The following PCSK5 variants were observed in gnomAD, a reference collection of about 807,000 sequenced individuals.
The protein encoded by PCSK5 is prohormone convertase 5.
PCSK5 carries 129 observed loss-of-function variants against 233.2 expected under a neutral mutation model. The observed-to-expected ratio is 0.55, with a 90% confidence interval of 0.48 to 0.64. The LOEUF is 0.64. PCSK5 is among the 30% of genes least tolerant of loss of function. The pLI is 0.00. For missense variants in PCSK5, 2,076 were observed against 2,430.1 expected (o/e 0.85, Z 3.06); for synonymous variants, 825 against 879.2 (o/e 0.94, Z 1.09).
At chr9:75,989,649 C>T (rs920074486) in intron 3 of PCSK5, among the ~76,000 whole-genome samples, 5 of 152,108 alleles carry the variant, frequency 3.3e-5, no homozygotes, top group African/African-American at 1.2e-4. Context: ...TCAAGGTGGC[C>T]CAGTCACAAG....
At chr9:76,318,591 T>A (rs1214161570) in intron 30 of PCSK5, among the ~76,000 whole-genome samples, 2 of 152,182 alleles carry the variant, frequency 1.3e-5, no homozygotes, top group Non-Finnish European at 2.9e-5. Flanking sequence ...ATTTCTACAA[T>A]GGGATAGTTT....
In PCSK5 at chr9:76,101,347, G is replaced by A. The variant is rs961267941; in HGVS notation, c.1107+5245G>A. On this transcript the variant is annotated intron_variant, in intron 8 of 37. Transcript: ENST00000674117. The stretch of plus-strand genomic sequence containing the variant: ...GTCGGTAGGTTGGTGAAAGTGAAAC[G>A]TTATTTGACAGGATATTTAGCATAG... 4.6e-5 allele frequency among the ~76,000 whole-genome samples: 7 copies of A among 152,160 alleles called. No homozygotes were observed. In the South Asian group the frequency reaches 1.0e-3, roughly 23 times the overall value.
At chr9:76,260,127 T>G (rs1827120956) in intron 24 of PCSK5, among the ~76,000 whole-genome samples, 1 of 152,230 alleles carries the variant, frequency 6.6e-6, no homozygotes, top group African/African-American at 2.4e-5. Context: ...CTGGCTCAGC[T>G]GTAAGAGGCT....
At chr9:76,190,473 A>C (rs867786101) in intron 20 of PCSK5, among the ~76,000 whole-genome samples, 2 of 152,086 alleles carry the variant, frequency 1.3e-5, no homozygotes, top group Admixed American at 1.3e-4. Context: ...TACCATGCAC[A>C]TAGAGTTTTG....
intron 9 of PCSK5, among the ~76,000 whole-genome samples, chr9:76,115,799 T>G (rs1002488102): frequency 2.0e-5 from 3 of 152,132 alleles, no homozygotes; most frequent in East Asian, 1.9e-4. Context: ...AATTCTCAGA[T>G]TATATTCCTC....
chr9:76,282,119 GCTTT>G (rs1827889928), intron 24 of PCSK5, among the ~76,000 whole-genome samples: 2 of 27,328 alleles, frequency 7.3e-5, no homozygotes, highest in Non-Finnish European at 1.7e-4. Flanking sequence ...TCTTTTCTTT[GCTTT>G]TTTTTTTTTT....
At chr9:76,070,451 T>C (rs779635049) in intron 6 of PCSK5, among the ~76,000 whole-genome samples, 3 of 152,182 alleles carry the variant, frequency 2.0e-5, no homozygotes, top group Non-Finnish European at 2.9e-5. Flanking sequence ...TGGAGGGGAA[T>C]GGAATGTTGG....
chr9:75,970,964 C>T (rs149978930), intron 2 of PCSK5, among the ~76,000 whole-genome samples: 68 of 152,146 alleles, frequency 4.5e-4, no homozygotes, highest in African/African-American at 1.4e-3. Context: ...ACATGCAGGA[C>T]GTGCAGGTTT....
intron 7 of PCSK5, among the ~76,000 whole-genome samples, chr9:76,082,484 G>A (rs116566974): frequency 0.014 from 2,060 of 152,164 alleles, 40 homozygotes; most frequent in South Asian, 0.067. Context: ...TTCACTGAGG[G>A]GTTATAATAT....
chr9:76,319,813 C>T (rs1254607788), intron 30 of PCSK5, among the ~76,000 whole-genome samples: 3 of 152,158 alleles, frequency 2.0e-5, no homozygotes, highest in Non-Finnish European at 4.4e-5. Context: ...CTCCTGGTTC[C>T]TCTTTGAACT....
intron 5 of PCSK5, among the ~76,000 whole-genome samples, chr9:76,064,453 G>T (rs1830190050): frequency 7.1e-6 from 1 of 141,728 alleles, no homozygotes; most frequent in Non-Finnish European, 1.6e-5. Context: ...TGGCCGGGCG[G>T]GGGGGCTGAC....
At chr9:76,207,329 G>A (rs981791898) in intron 20 of PCSK5, among the ~76,000 whole-genome samples, 4 of 152,122 alleles carry the variant, frequency 2.6e-5, no homozygotes, top group African/African-American at 9.7e-5. Context: ...CTAATTCTCT[G>A]AGCCACCATT....
intron 7 of PCSK5, among the ~76,000 whole-genome samples, chr9:76,078,861 A>G (rs1158269797): frequency 1.3e-5 from 2 of 152,174 alleles, no homozygotes; most frequent in African/African-American, 4.8e-5. Flanking sequence ...TCTGTGAAAA[A>G]TGACATTGAT....
At position 76,040,403 on chromosome 9, in the gene PCSK5, C is replaced by CTGTCTCTCTG. The variant is rs1252717136; in HGVS notation, c.632+13367_632+13368insGTCTCTCTGT. On this transcript the variant is annotated intron_variant, in intron 5 of 37. Coordinates refer to ENST00000674117, the MANE Select transcript of PCSK5 (RefSeq NM_001372043.1). Reference sequence around the variant, plus strand: ...TCTCTCTGTCTCTCTCTCTCTCTCTCTCTCTCTCTCAACAGGTCTTTCCTC... The same window carrying CTGTCTCTCTG: ...TCTCTCTGTCTCTCTCTCTCTCTCTCTGTCTCTCTGTCTCTCTCTCAACAGGTCTTTCCTC... Among the ~76,000 whole-genome samples, 17 of 130,950 alleles carry CTGTCTCTCTG rather than the reference C, an allele frequency of 1.3e-4. 1 individual carries two copies. The South Asian group carries it at 1.6e-3, about 12-fold the overall frequency. The allele number at this position is 130,950 out of a possible 152,430, so 85.9% of individuals were successfully genotyped here.
intron 7 of PCSK5, among the ~76,000 whole-genome samples, chr9:76,075,452 C>G (rs1830613309): frequency 6.6e-6 from 1 of 151,898 alleles, no homozygotes; most frequent in Non-Finnish European, 1.5e-5. Flanking sequence ...GGATGTTCCT[C>G]TAAATATCTA....
intron 24 of PCSK5, among the ~76,000 whole-genome samples, chr9:76,261,446 A>T (rs1334756189): frequency 6.6e-6 from 1 of 152,190 alleles, no homozygotes; most frequent in South Asian, 2.1e-4. Context: ...AAATCAATGT[A>T]CAAAAATCAG....
intron 13 of PCSK5, 122 bp downstream of exon 13, chr9:76,169,962 G>A (rs1823261763): frequency 1.3e-6 from 1 of 742,488 alleles, no homozygotes; most frequent in African/African-American, 1.8e-5. Flanking sequence ...TTTCATGTGT[G>A]CTTTGAATTA....
At chr9:76,238,875 T>C in intron 22 of PCSK5, 84 bp from the exon 23 acceptor site, 1 of 1,039,352 alleles carries the variant, frequency 9.6e-7, no homozygotes, top group Non-Finnish European at 1.4e-6. Flanking sequence ...CGCATCTTTT[T>C]AAAATATAAT....
intron 1 of PCSK5, among the ~76,000 whole-genome samples, chr9:75,918,128 T>C (rs1049342877): frequency 3.9e-5 from 6 of 152,240 alleles, no homozygotes; most frequent in African/African-American, 7.2e-5. Flanking sequence ...GATAAAACTC[T>C]TCTTGAAATC....
Sources: gnomAD v4.1 joint callset for allele counts (sites outside exome capture counted in the v4.1 genomes callset) on GRCh38, gnomAD v4.1.1 for gene constraint, MANE v1.5 for transcripts, NCBI Gene and HGNC (gene_info 2026-07-23, HGNC 2026-07-21) for gene names.